Variants in CTNND1 observed in about 807,000 individuals in gnomAD.
The protein encoded by CTNND1 is catenin delta 1, also known as catenin delta-1.
CTNND1 carries 16 observed loss-of-function variants against 112.1 expected under a neutral mutation model. The ratio of observed to expected loss-of-function variants is 0.14; its 90% CI spans 0.10 to 0.22. CTNND1 has a LOEUF of 0.22. Among genes scored for constraint, CTNND1 ranks in the 10% least tolerant of loss-of-function variants. The pLI is 1.00. For missense variants in CTNND1, 1,008 were observed against 1,257.0 expected (o/e 0.80, Z 3.00); for synonymous variants, 420 against 446.5 (o/e 0.94, Z 0.75).
chr11:57,815,698 T>C (rs1267252687), intron 19 of CTNND1, 198 bp downstream of exon 19: 4 of 785,270 alleles, frequency 5.1e-6, no homozygotes, highest in Non-Finnish European at 9.2e-6. Context: ...GGGGGAAGCA[T>C]GTCTGTAAAA....
At chr11:57,795,366 G>C (rs1435346814) in intron 4 of CTNND1, among the ~76,000 whole-genome samples, 1 of 152,140 alleles carries the variant, frequency 6.6e-6, no homozygotes, top group Non-Finnish European at 1.5e-5. Context: ...GTTAGTTCAT[G>C]TTTGTTAAAT....
At chr11:57,766,734 T>C (rs1284837028) in intron 1 of CTNND1, among the ~76,000 whole-genome samples, 1 of 152,206 alleles carries the variant, frequency 6.6e-6, no homozygotes, top group Admixed American at 6.5e-5. Context: ...TTGTATTTAA[T>C]TGTTTAATGT....
chr11:57,766,083 G>T (rs1950996570), intron 1 of CTNND1, among the ~76,000 whole-genome samples: 1 of 152,222 alleles, frequency 6.6e-6, no homozygotes, highest in South Asian at 2.1e-4. Flanking sequence ...GACTGGGCTT[G>T]CAGAGCCAGA....
intron 19 of CTNND1, 61 bp from the exon 20 acceptor site, chr11:57,815,854 C>G (rs1591724750): frequency 7.0e-7 from 1 of 1,423,518 alleles, no homozygotes; most frequent in East Asian, 2.3e-5. Context: ...TTCCCTAGCT[C>G]TGGCACACAC....
In CTNND1 at chr11:57,803,785, A is replaced by G. The variant is rs1389674139; in HGVS notation, c.1585A>G (p.Asn529Asp). 6.2e-7 allele frequency: 1 copy of G among 1,608,974 alleles called. No homozygotes were observed. The highest frequency in any genetic ancestry group is 1.3e-5 in the African/African-American group (1 of 74,730). Residue 529 changes from asparagine to aspartate, a missense_variant, in exon 8 of 21, where the codon AAC (asparagine) becomes GAC (aspartate). By Grantham distance (23) the Asn-to-Asp change is conservative (BLOSUM62 1). This residue lies in a region of CTNND1 where 216 missense variants were observed against 342.8 expected (regional missense o/e 0.63). Coordinates refer to ENST00000399050, the MANE Select transcript of CTNND1 (RefSeq NM_001085458.2). Reference sequence around the variant, plus strand: ...CATTGAGTGGGAATCGGTGCTCACCAACACAGCTGGCTGCCTTAGGTAACA... The same window carrying G: ...CATTGAGTGGGAATCGGTGCTCACCGACACAGCTGGCTGCCTTAGGTAACA... ...RHIEWESVLT[N>D]TAGCLRNVSS... is the part of the protein sequence containing the mutation.
At position 57,789,057 on chromosome 11, in the gene CTNND1, CCTT is replaced by C; in HGVS notation, c.-192_-190del. The C allele has an allele frequency of 6.5e-7, 1 of 1,535,746 alleles. No homozygotes were observed. Among genetic ancestry groups the C allele is most frequent in the Non-Finnish European group, 8.7e-7 (1 of 1,146,854 alleles). On this transcript the variant is annotated 5_prime_UTR_variant, in exon 2 of 21. Coordinates refer to ENST00000399050, the MANE Select transcript of CTNND1 (RefSeq NM_001085458.2). ...TGCAGCTCTCTCCTTCCTGCTTCCTCCTTGCTGTGGTGGCTGGGATGCTTCTTC... is the reference window on the plus strand; with the variant it reads ...TGCAGCTCTCTCCTTCCTGCTTCCTCGCTGTGGTGGCTGGGATGCTTCTTC...
At chr11:57,777,216 C>G (rs1377058937) in intron 1 of CTNND1, among the ~76,000 whole-genome samples, 1 of 152,134 alleles carries the variant, frequency 6.6e-6, no homozygotes, top group Non-Finnish European at 1.5e-5. Flanking sequence ...TTCTATTCAA[C>G]CCTAGAATGG....
chr11:57,811,901 T>C (rs2063408052), intron 17 of CTNND1, among the ~76,000 whole-genome samples: 1 of 152,182 alleles, frequency 6.6e-6, no homozygotes, highest in African/African-American at 2.4e-5. Flanking sequence ...TTAAAACATT[T>C]TTATCATGTG....
intron 1 of CTNND1, among the ~76,000 whole-genome samples, chr11:57,766,027 C>A (rs1950977263): frequency 6.6e-6 from 1 of 152,102 alleles, no homozygotes; most frequent in Non-Finnish European, 1.5e-5. Context: ...TACCCGTAGT[C>A]CTAGCTACTG....
At chr11:57,773,816 CTTGTAGT>C in intron 1 of CTNND1, among the ~76,000 whole-genome samples, 1 of 151,652 alleles carries the variant, frequency 6.6e-6, no homozygotes, top group East Asian at 1.9e-4. Flanking sequence ...GTGGTGGGTA[CTTGTAGT>C]TCCATATACT....
At chr11:57,769,699 CACTA>C (rs1389521965) in intron 1 of CTNND1, among the ~76,000 whole-genome samples, 1 of 151,976 alleles carries the variant, frequency 6.6e-6, no homozygotes, top group Non-Finnish European at 1.5e-5. Context: ...TGCTTTGCCT[CACTA>C]ACAGTTAACA....
chr11:57,791,956 T>G (rs925112772), intron 3 of CTNND1, among the ~76,000 whole-genome samples: 4 of 152,098 alleles, frequency 2.6e-5, no homozygotes, highest in Non-Finnish European at 4.4e-5. Context: ...GGTAGATAGT[T>G]TAGTTTGCAG....
chr11:57,780,071 T>TTTTTTTTTTTTTTG lies in CTNND1; in HGVS notation c.-213-8966_-213-8965insTTTTTTTTTTTTTG, dbSNP rs58673483. Among the ~76,000 whole-genome samples the TTTTTTTTTTTTTTG allele has an allele frequency of 3.9e-5, 5 of 129,196 alleles. 2 individuals carry two copies. Among genetic ancestry groups the TTTTTTTTTTTTTTG allele is most frequent in the Non-Finnish European group, 6.6e-5 (4 of 60,732 alleles). The allele number at this position is 129,196 out of a possible 152,430, so 84.8% of individuals were successfully genotyped here. Reference sequence around the variant, plus strand: ...ACTAGAATGACTTTTTTTTTTTTTTTGAGACAGGGTCTTACTCTGTCACTG... The same window carrying TTTTTTTTTTTTTTG: ...ACTAGAATGACTTTTTTTTTTTTTTTTTTTTTTTTTTTTGGAGACAGGGTCTTACTCTGTCACTG... On this transcript the variant is annotated intron_variant, in intron 1 of 20. Coordinates refer to ENST00000399050, the MANE Select transcript of CTNND1 (RefSeq NM_001085458.2).
At chr11:57,775,276 A>T (rs1471448609) in intron 1 of CTNND1, among the ~76,000 whole-genome samples, 1 of 150,552 alleles carries the variant, frequency 6.6e-6, no homozygotes, top group Non-Finnish European at 1.5e-5. Flanking sequence ...AGCTAAGGAG[A>T]GACTTGAGCC....
At chr11:57,793,231 TG>T (rs942921705) in intron 3 of CTNND1, 5 of 152,214 alleles carry the variant, frequency 3.3e-5, no homozygotes, top group African/African-American at 7.2e-5. Context: ...ACTATTCTAC[TG>T]GAAGAGGAGC....
At position 57,791,403 on chromosome 11, in the gene CTNND1, C is replaced by T; in HGVS notation, c.-76C>T. On this transcript the variant is annotated 5_prime_UTR_variant, in exon 3 of 21. Coordinates refer to ENST00000399050, the MANE Select transcript of CTNND1 (RefSeq NM_001085458.2). Reference sequence around the variant, plus strand: ...CCGGTAGTGTGAAGTGAGGGGGTCTCTCTCCCTCCTTCTCCTTCCTCTGTG... The same window carrying T: ...CCGGTAGTGTGAAGTGAGGGGGTCTTTCTCCCTCCTTCTCCTTCCTCTGTG... 2.2e-6 allele frequency: 3 copies of T among 1,380,520 alleles called. No individual in the cohort carries two copies. Among genetic ancestry groups the T allele is most frequent in the Non-Finnish European group, 2.8e-6 (3 of 1,060,880 alleles). 85.5% of individuals were successfully genotyped at this position (1,380,520 alleles called of 1,614,324 possible). A position where few individuals can be genotyped will look rare whatever the true frequency, so the allele number is the denominator to read the frequency against.
chr11:57,763,530 T>C (rs1036079551), intron 1 of CTNND1, among the ~76,000 whole-genome samples: 1 of 152,210 alleles, frequency 6.6e-6, no homozygotes, highest in Non-Finnish European at 1.5e-5. Context: ...AGAACTTTGT[T>C]CCTCCTTCAA....
intron 11 of CTNND1, 125 bp downstream of exon 11, chr11:57,806,603 C>T: frequency 1.2e-6 from 1 of 866,852 alleles, no homozygotes; most frequent in East Asian, 2.6e-5. Context: ...TTGAGGAAGA[C>T]ACTGAAACAA....
chr11:57,815,813 T>C, intron 19 of CTNND1, 102 bp from the exon 20 acceptor site: 1 of 969,242 alleles, frequency 1.0e-6, no homozygotes, highest in Non-Finnish European at 1.6e-6. Flanking sequence ...TATTATATCT[T>C]GTTTTGTTTG....
Sources: allele counts gnomAD v4.1 joint callset (sites outside exome capture counted in the v4.1 genomes callset), GRCh38; gene constraint gnomAD v4.1.1; regional missense constraint gnomAD v4.1.1; transcripts MANE v1.5; gene names NCBI Gene and HGNC (gene_info 2026-07-23, HGNC 2026-07-21).